The following HPN variants were observed in gnomAD, a reference collection of about 807,000 sequenced individuals.
HPN encodes the protein hepsin.
A neutral mutation model predicts 55.9 loss-of-function variants in HPN; 13 were observed. The observed-to-expected ratio is 0.23, with a 90% CI of 0.15 to 0.37. The LOEUF is 0.37. Among genes scored for constraint, HPN ranks in the 10% least tolerant of loss-of-function variants. HPN has a pLI of 1.00. For synonymous variants in HPN, 225 were observed against 240.3 expected (o/e 0.94, Z 0.59); for missense variants, 451 against 575.8 (o/e 0.78, Z 2.22).
chr19:35,055,061 G>A (rs781447843), intron 4 of HPN, among the ~76,000 whole-genome samples: 7 of 152,190 alleles, frequency 4.6e-5, no homozygotes, highest in Non-Finnish European at 7.4e-5. Context: ...TGCCATCCCA[G>A]CACTTTGGGA....
In HPN at chr19:35,049,342, G is replaced by A. The variant is rs1000770212; in HGVS notation, c.69G>A (p.Ala23=). Residue 23 remains alanine (A), a synonymous_variant, in exon 3 of 13, where the codon GCG becomes GCA. Transcript: ENST00000672452. The stretch of plus-strand genomic sequence containing the variant: ...GACCCAAGGTGGCAGCTCTCACTGC[G>A]GGGACCCTGCTACTTCTGACAGCCA... ...CSRPKVAALT[A]GTLLLLTAIG... 13 of 1,601,000 alleles carry A rather than the reference G, an allele frequency of 8.1e-6. No individual in the cohort carries two copies. Among genetic ancestry groups the A allele is most frequent in the Non-Finnish European group, 1.1e-5 (13 of 1,172,320 alleles).
At position 35,066,458 on chromosome 19, in the gene HPN, C is replaced by A; in HGVS notation, c.*171C>A. The A allele has an allele frequency of 1.3e-6, 1 of 792,768 alleles. No individual in the cohort carries two copies. Among genetic ancestry groups the A allele is most frequent in the Non-Finnish European group, 2.0e-6 (1 of 507,484 alleles). 49.1% of individuals were successfully genotyped at this position (792,768 alleles called of 1,614,324 possible). A position where few individuals can be genotyped will look rare whatever the true frequency, so the allele number is the denominator to read the frequency against. ...GTGGCGGGCCCACTCAGCCCCGAGA[C>A]CACCCAACCTCACCCTCCTGACCCC... is the stretch of plus-strand genomic sequence containing the variant. On this transcript the variant is annotated 3_prime_UTR_variant, in exon 13 of 13. Transcript: ENST00000672452.
intron 2 of HPN, among the ~76,000 whole-genome samples, chr19:35,044,475 CA>C (rs1359557170): frequency 3.9e-5 from 6 of 152,126 alleles, no homozygotes; most frequent in African/African-American, 1.4e-4. Context: ...CTGGACCAGG[CA>C]GGGGTGGGAC....
chr19:35,050,910 CT>C (rs200748791), intron 4 of HPN, among the ~76,000 whole-genome samples: 3,553 of 116,692 alleles, frequency 0.03, 205 homozygotes, highest in African/African-American at 0.11. Context: ...TTCTTTCTTT[CT>C]TTCTTTTTTT....
chr19:35,040,955 C>T (rs2064287563), upstream of HPN, among the ~76,000 whole-genome samples: 1 of 152,154 alleles, frequency 6.6e-6, no homozygotes, highest in South Asian at 2.1e-4. Context: ...CGACTGTGTC[C>T]GGCGTGTGGT....
intron 4 of HPN, among the ~76,000 whole-genome samples, chr19:35,051,268 C>T (rs2064402569): frequency 6.6e-6 from 1 of 152,090 alleles, no homozygotes; most frequent in African/African-American, 2.4e-5. Flanking sequence ...GCCACCACAC[C>T]CAGCTAATTT....
chr19:35,066,041 TGG>T lies in HPN; in HGVS notation c.1215+11_1215+12del. On this transcript the variant is annotated intron_variant, in intron 12 of 12. Coordinates refer to ENST00000672452, the MANE Select transcript of HPN (RefSeq NM_001384133.1). ...TCTTCCAGGCCATAAAGGTGAAAGT[TGG>T]GTCCAGATGGGAGCCAGGGTGGGGA... 1 of 1,609,844 alleles carries T rather than the reference TGG, an allele frequency of 6.2e-7. No individual in the cohort carries two copies. The highest frequency in any genetic ancestry group is 8.5e-7 in the Non-Finnish European group (1 of 1,180,008).
intron 9 of HPN, among the ~76,000 whole-genome samples, chr19:35,064,550 C>A (rs1165859099): frequency 6.6e-6 from 1 of 151,802 alleles, no homozygotes; most frequent in Non-Finnish European, 1.5e-5. Flanking sequence ...ATTGCTTGAG[C>A]CCAGGAGGTC....
chr19:35,065,169 G>C, intron 9 of HPN, 81 bp from the exon 10 acceptor site: 1 of 933,474 alleles, frequency 1.1e-6, no homozygotes, highest in South Asian at 1.6e-5. Flanking sequence ...GTGTGTTAGG[G>C]GCCATGGTAG....
intron 9 of HPN, among the ~76,000 whole-genome samples, chr19:35,061,927 G>A (rs985876820): frequency 3.3e-5 from 5 of 152,030 alleles, no homozygotes; most frequent in East Asian, 3.9e-4. Context: ...GTGTGGTGAC[G>A]GATACCTGTA....
chr19:35,061,789 G>A (rs2064536516), intron 9 of HPN, among the ~76,000 whole-genome samples: 1 of 152,200 alleles, frequency 6.6e-6, no homozygotes, highest in East Asian at 1.9e-4. Context: ...TACAAGGCTG[G>A]GCACGGTGGC....
intron 4 of HPN, among the ~76,000 whole-genome samples, chr19:35,058,209 T>G (rs2064477768): frequency 6.6e-6 from 1 of 150,956 alleles, no homozygotes; most frequent in African/African-American, 2.4e-5. Context: ...AGATGGAGTC[T>G]CACTCTGTCG....
rs17718806 is a variant in HPN, at chr19:35,045,648, G to A, written c.16+3126G>A. The stretch of plus-strand genomic sequence containing the variant: ...GGGATCAAAGAATTGATGTTGACGT[G>A]CCGCCTGTCCCAGTAGAGACACGCA... On this transcript the variant is annotated intron_variant, in intron 2 of 12. Transcript: ENST00000672452. 3.9e-3 allele frequency among the ~76,000 whole-genome samples: 597 copies of A among 152,148 alleles called. 15 individuals carry two copies. The East Asian group carries it at 0.055, about 14-fold the overall frequency.
intron 6 of HPN, 27 bp downstream of exon 6, chr19:35,060,023 C>T (rs777360903): frequency 1.2e-6 from 2 of 1,606,416 alleles, no homozygotes; most frequent in Non-Finnish European, 1.7e-6. Flanking sequence ...GCAGGTGGGG[C>T]AACACCTCAG....
chr19:35,065,698 G>A lies in HPN; in HGVS notation c.1050+17G>A, dbSNP rs370440856. On this transcript the variant is annotated intron_variant, in intron 11 of 12. Transcript: ENST00000672452. Reference sequence around the variant, plus strand: ...GCCTGCCAGGTGAGGGACTCTGTAGGGGCAGCCCCCTGGTCGCTGCCACCC... The same window carrying A: ...GCCTGCCAGGTGAGGGACTCTGTAGAGGCAGCCCCCTGGTCGCTGCCACCC... 1.3e-5 allele frequency: 21 copies of A among 1,613,660 alleles called. No individual in the cohort carries two copies. The highest frequency in any genetic ancestry group is 1.6e-5 in the Non-Finnish European group (19 of 1,179,938).
intron 4 of HPN, among the ~76,000 whole-genome samples, chr19:35,058,326 C>G (rs1163764491): frequency 6.7e-6 from 1 of 149,068 alleles, no homozygotes; most frequent in Admixed American, 6.7e-5. Context: ...ATTACAGGCA[C>G]CTGCCATCAT....
At position 35,049,351 on chromosome 19, in the gene HPN, G is replaced by A. The variant is rs748439276; in HGVS notation, c.78G>A (p.Leu26=). The A allele has an allele frequency of 7.5e-6, 12 of 1,602,726 alleles. No individual in the cohort carries two copies. The African/African-American group carries it at 1.6e-4, about 21-fold the overall frequency. ...TGGCAGCTCTCACTGCGGGGACCCT[G>A]CTACTTCTGACAGCCATCGGGGCGG... ...PKVAALTAGT[L]LLLTAIGAAS... Residue 26 remains leucine, a synonymous_variant, in exon 3 of 13, where the codon CTG becomes CTA. Transcript: ENST00000672452.
At position 35,058,248 on chromosome 19, in the gene HPN, T is replaced by C. The variant is rs560917352; in HGVS notation, c.161-1425T>C. Among the ~76,000 whole-genome samples the C allele has an allele frequency of 6.3e-4, 95 of 150,442 alleles. 1 individual carries two copies. The highest frequency in any genetic ancestry group is 2.5e-3 in the South Asian group (12 of 4,784). On this transcript the variant is annotated intron_variant, in intron 4 of 12. Transcript: ENST00000672452. ...AAACTGGAGTGCAGTGGCACGATCTTGGCTCACTGCAACCTCTGCTGCCCA... is the reference window on the plus strand; with the variant it reads ...AAACTGGAGTGCAGTGGCACGATCTCGGCTCACTGCAACCTCTGCTGCCCA...
intron 9 of HPN, among the ~76,000 whole-genome samples, chr19:35,063,280 G>A (rs2064557553): frequency 6.6e-6 from 1 of 152,252 alleles, no homozygotes; most frequent in Non-Finnish European, 1.5e-5. Flanking sequence ...CTGTGCTTGT[G>A]GCCCCCACGC....
Sources: gnomAD v4.1 joint callset for allele counts (sites outside exome capture counted in the v4.1 genomes callset) on GRCh38, gnomAD v4.1.1 for gene constraint, MANE v1.5 for transcripts, NCBI Gene and HGNC (gene_info 2026-07-23, HGNC 2026-07-21) for gene names.